The following ATP13A1 variants were observed in gnomAD, a reference collection of about 807,000 sequenced individuals.
ATP13A1 encodes endoplasmic reticulum transmembrane helix translocase.
ATP13A1 carries 55 observed loss-of-function variants against 134.8 expected under a neutral mutation model. The observed-to-expected ratio is 0.41, with a 90% CI of 0.33 to 0.51. The LOEUF is 0.51. Among genes scored for constraint, ATP13A1 ranks in the 20% least tolerant of loss-of-function variants. The pLI, the probability that ATP13A1 is intolerant of heterozygous loss-of-function variation, is 0.29. For missense variants in ATP13A1, 1,389 were observed against 1,652.8 expected (o/e 0.84, Z 2.77); for synonymous variants, 775 against 725.1 (o/e 1.07, Z -1.10).
In ATP13A1 at chr19:19,663,586, C is replaced by T. The variant is rs1234688684; in HGVS notation, c.81G>A (p.Lys27=). The stretch of plus-strand genomic sequence containing the variant: ...GGAGCGCGCGCGGCTGCGGCCCGGG[C>T]TTGGGCTGCCCGTCAGGCCGGACCC... ...PCGVRPDGQP[K]PGPQPRALLA... is the part of the protein sequence containing the mutation. The change falls in exon 1 of 26, where the codon AAG becomes AAA. Residue 27 remains lysine, a synonymous_variant. Transcript: ENST00000357324. The T allele has an allele frequency of 1.4e-6, 2 of 1,467,594 alleles. No individual in the cohort carries two copies. The highest frequency in any genetic ancestry group is 3.0e-5 in the African/African-American group (2 of 67,698). The allele number at this position is 1,467,594 out of a possible 1,614,324, so 90.9% of individuals were successfully genotyped here. A position where few individuals can be genotyped will look rare whatever the true frequency, so the allele number is the denominator to read the frequency against.
chr19:19,646,738 G>A (rs188879877), intron 22 of ATP13A1: 50 of 367,608 alleles, frequency 1.4e-4, no homozygotes, highest in African/African-American at 9.2e-4. Flanking sequence ...GTTCCTGGCC[G>A]CTGGCCCCCC....
Position 19,654,678 on chromosome 19 carries a change from C to T in ATP13A1, c.1678G>A (p.Val560Met), listed in dbSNP as rs775341233. 4.3e-6 allele frequency: 7 copies of T among 1,612,910 alleles called. No homozygotes were observed. In the East Asian group the frequency reaches 1.3e-4, roughly 31 times the overall value. The change falls in exon 13 of 26, where the codon GTG (valine) becomes ATG (methionine). Residue 560 changes from valine (V) to methionine (M), a missense_variant. Physicochemically the swap from Val to Met is conservative, Grantham distance 21 (BLOSUM62 1). Coordinates refer to ENST00000357324, the MANE Select transcript of ATP13A1 (RefSeq NM_020410.3). ...TGTGTTTCTACAGGGATGCTGGACA[C>T]TGGGGTCACCTCCTTCCCGTCTCTG... is the stretch of plus-strand genomic sequence containing the variant. ...GLRDGKEVTP[V>M]SSIPVETHRA...
At chr19:19,646,070 C>G (rs2061983442) in intron 23 of ATP13A1, 85 bp from the exon 24 acceptor site, 2 of 1,594,220 alleles carry the variant, frequency 1.3e-6, no homozygotes, top group South Asian at 2.2e-5. Flanking sequence ...TGGCACAGAG[C>G]TAGGGCTCTG....
chr19:19,650,344 T>C (rs1247226393), intron 17 of ATP13A1: 2 of 196,512 alleles, frequency 1.0e-5, no homozygotes, highest in East Asian at 1.3e-4. Context: ...TCTGAAATCC[T>C]GTTTTCTCGG....
chr19:19,656,079 T>C lies in ATP13A1; in HGVS notation c.1188A>G (p.Pro396=). The change falls in exon 8 of 26, where the codon CCA becomes CCG. Residue 396 remains proline (P), a synonymous_variant. Transcript: ENST00000357324. This position sits in a 1 kb window ranked among gnomAD's most constrained non-coding sequence, Gnocchi z 4.6. ...GGTKVVQHIP[P]QKATTGLKPV... is the part of the protein sequence containing the mutation. Reference sequence around the variant, plus strand: ...GCTTCAGGCCCGTGGTGGCTTTCTGTGGGGGGATGTGCTGCACCACCTTGG... The same window carrying C: ...GCTTCAGGCCCGTGGTGGCTTTCTGCGGGGGGATGTGCTGCACCACCTTGG... 6.2e-7 allele frequency: 1 copy of C among 1,613,530 alleles called. No homozygotes were observed. Among genetic ancestry groups the C allele is most frequent in the Non-Finnish European group, 8.5e-7 (1 of 1,179,740 alleles).
chr19:19,646,378 G>C (rs765538170), intron 22 of ATP13A1, 31 bp from the exon 23 acceptor site: 2 of 1,612,804 alleles, frequency 1.2e-6, no homozygotes, highest in Admixed American at 3.3e-5. Context: ...GGGGAGTCAG[G>C]ATCTGGCTCA....
intron 1 of ATP13A1, among the ~76,000 whole-genome samples, chr19:19,662,718 C>T (rs2062102162): frequency 6.6e-6 from 1 of 152,216 alleles, no homozygotes; most frequent in African/African-American, 2.4e-5. Context: ...ACACCTCTGC[C>T]TCTCTTCAAC....
chr19:19,645,411 G>C lies in ATP13A1; in HGVS notation c.*11C>G. ...CAGCCAGGGTGGGCAGTGGGTACCAGCACTGCCATCTCAGGAAGGCACTTT... is the reference window on the plus strand; with the variant it reads ...CAGCCAGGGTGGGCAGTGGGTACCACCACTGCCATCTCAGGAAGGCACTTT... On this transcript the variant is annotated 3_prime_UTR_variant, in exon 26 of 26. Transcript: ENST00000357324. The surrounding 1 kb of genome is among the most constrained non-coding windows in gnomAD (Gnocchi z 4.1). The C allele has an allele frequency of 1.3e-6, 2 of 1,586,978 alleles. No homozygotes were observed. The highest frequency in any genetic ancestry group is 1.8e-5 in the Admixed American group (1 of 55,510).
intron 19 of ATP13A1, among the ~76,000 whole-genome samples, chr19:19,648,275 C>A (rs1456394660): frequency 6.6e-6 from 1 of 151,942 alleles, no homozygotes; most frequent in Non-Finnish European, 1.5e-5. Flanking sequence ...GATGAGATCA[C>A]ACCACCGCAC....
In ATP13A1 at chr19:19,647,401, G is replaced by A. The variant is rs148748496; in HGVS notation, c.2908+13C>T. On this transcript the variant is annotated intron_variant, in intron 21 of 25. Transcript: ENST00000357324. The surrounding 1 kb of genome is among the most constrained non-coding windows in gnomAD (Gnocchi z 4.8). ...GGGAATGAAGGGAGGGGGAGCGGGG[G>A]CAGGCAACTCACTGCACTGGATGGA... is the stretch of plus-strand genomic sequence containing the variant. 2,152 of 1,609,820 alleles carry A rather than the reference G, an allele frequency of 1.3e-3. 4 individuals are homozygous for A. Among genetic ancestry groups the A allele is most frequent in the Non-Finnish European group, 1.7e-3 (1,957 of 1,177,630 alleles).
chr19:19,655,731 C>T lies in ATP13A1; in HGVS notation c.1270-77G>A. On this transcript the variant is annotated intron_variant, in intron 9 of 25. Transcript: ENST00000357324. This position sits in a 1 kb window ranked among gnomAD's most constrained non-coding sequence, Gnocchi z 5.7. Reference sequence around the variant, plus strand: ...TCAGGCCTGGAAGCGTGGGCCTGGTCTTGGGGTGGCCTCTGCACCCTGGCC... The same window carrying T: ...TCAGGCCTGGAAGCGTGGGCCTGGTTTTGGGGTGGCCTCTGCACCCTGGCC... 1 of 1,555,636 alleles carries T rather than the reference C, an allele frequency of 6.4e-7. No homozygotes were observed.
At chr19:19,646,648 C>T (rs1262628950) in intron 22 of ATP13A1, 11 of 466,806 alleles carry the variant, frequency 2.4e-5, no homozygotes, top group South Asian at 7.7e-5. Flanking sequence ...GGCACAGTCC[C>T]GCCCAGCCAA....
chr19:19,653,831 C>T lies in ATP13A1; in HGVS notation c.2053G>A (p.Val685Ile), dbSNP rs1310172840. Residue 685 changes from valine to isoleucine, a missense_variant, in exon 15 of 26, where the codon GTC (valine) becomes ATC (isoleucine). Coordinates refer to ENST00000357324, the MANE Select transcript of ATP13A1 (RefSeq NM_020410.3). The surrounding 1 kb of genome is among the most constrained non-coding windows in gnomAD (Gnocchi z 4.2). Reference protein sequence around the residue: ...HTEISREGARVLALGYKELGH... With the variant: ...HTEISREGARILALGYKELGH... ...AGCTCCTTGTACCCCAGCGCCAGGA[C>T]GCGGGCTCCTTCCCGGGAGATCTCG... 22 of 1,560,518 alleles carry T rather than the reference C, an allele frequency of 1.4e-5. No homozygotes were observed. The South Asian group carries it at 1.7e-4, about 12-fold the overall frequency.
Position 19,653,916 on chromosome 19 carries a change from G to T in ATP13A1, c.1990-22C>A. 6.4e-7 allele frequency: 1 copy of T among 1,567,692 alleles called. No homozygotes were observed. Among genetic ancestry groups the T allele is most frequent in the Non-Finnish European group, 8.6e-7 (1 of 1,156,910 alleles). ...AGAACTGCAGGGAATGCAGGGGGAT[G>T]TCACGGGCTGCCCCGCGCCCCCACC... is the stretch of plus-strand genomic sequence containing the variant. On this transcript the variant is annotated intron_variant, in intron 14 of 25. Transcript: ENST00000357324. The surrounding 1 kb of genome is among the most constrained non-coding windows in gnomAD (Gnocchi z 4.2).
Position 19,656,971 on chromosome 19 carries a change from C to A in ATP13A1, c.906+23G>T. 6.2e-7 allele frequency: 1 copy of A among 1,602,800 alleles called. No individual in the cohort carries two copies. Among genetic ancestry groups the A allele is most frequent in the Non-Finnish European group, 8.5e-7 (1 of 1,174,768 alleles). On this transcript the variant is annotated intron_variant, in intron 5 of 25. Transcript: ENST00000357324. This position sits in a 1 kb window ranked among gnomAD's most constrained non-coding sequence, Gnocchi z 4.6. ...GCCGCACCTGTGCTGCACCCCCAAC[C>A]TGGGTCTCCCTGGCAGCCACACCTG...
chr19:19,655,256 G>A lies in ATP13A1; in HGVS notation c.1535-17C>T, dbSNP rs960126673. 6.2e-7 allele frequency: 1 copy of A among 1,613,842 alleles called. No homozygotes were observed. Among genetic ancestry groups the A allele is most frequent in the Non-Finnish European group, 8.5e-7 (1 of 1,179,890 alleles). Reference sequence around the variant, plus strand: ...AGTACATGTCTAGGGGCGGGAGTGAGGTCAGGGGTCCTGCTTGGCCCCAGC... The same window carrying A: ...AGTACATGTCTAGGGGCGGGAGTGAAGTCAGGGGTCCTGCTTGGCCCCAGC... On this transcript the variant is annotated splice_polypyrimidine_tract_variant and intron_variant, in intron 11 of 25. Transcript: ENST00000357324. The surrounding 1 kb of genome is among the most constrained non-coding windows in gnomAD (Gnocchi z 5.7).
chr19:19,647,565 G>A lies in ATP13A1; in HGVS notation c.2793+34C>T. 2 of 1,612,840 alleles carry A rather than the reference G, an allele frequency of 1.2e-6. No individual in the cohort carries two copies. Among genetic ancestry groups the A allele is most frequent in the Non-Finnish European group, 1.7e-6 (2 of 1,179,316 alleles). Reference sequence around the variant, plus strand: ...ACAGCAGGCTGTCAGCCCTGGCCAGGATGGGGTGCAGCACCTCCCCTCTTG... The same window carrying A: ...ACAGCAGGCTGTCAGCCCTGGCCAGAATGGGGTGCAGCACCTCCCCTCTTG... On this transcript the variant is annotated intron_variant, in intron 20 of 25. Coordinates refer to ENST00000357324, the MANE Select transcript of ATP13A1 (RefSeq NM_020410.3). The surrounding 1 kb of genome is among the most constrained non-coding windows in gnomAD (Gnocchi z 4.8).
chr19:19,653,973 G>T lies in ATP13A1; in HGVS notation c.1985C>A (p.Ser662Tyr). ...CCCAGGCTGGGGCCAGCTCACCATG[G>T]AGTGCAGAGTTTCGGGGGCCCCCTT... The part of the protein sequence containing the change: ...AVKGAPETLH[S>Y]MFSQCPPDYH... The change falls in exon 14 of 26, where the codon TCC (serine) becomes TAC (tyrosine). Residue 662 changes from serine (S) to tyrosine (Y), a missense_variant. Transcript: ENST00000357324. The surrounding 1 kb of genome is among the most constrained non-coding windows in gnomAD (Gnocchi z 4.2). 1 of 1,594,106 alleles carries T rather than the reference G, an allele frequency of 6.3e-7. No homozygotes were observed.
At position 19,656,732 on chromosome 19, in the gene ATP13A1, G is replaced by A. The variant is rs374483901; in HGVS notation, c.1011C>T (p.Asp337=). The A allele has an allele frequency of 1.7e-5, 27 of 1,613,678 alleles. No individual in the cohort carries two copies. Among genetic ancestry groups the A allele is most frequent in the African/African-American group, 1.5e-4 (11 of 74,942 alleles). The change falls in exon 7 of 26, where the codon GAC becomes GAT. Residue 337 remains aspartate, a synonymous_variant. Coordinates refer to ENST00000357324, the MANE Select transcript of ATP13A1 (RefSeq NM_020410.3). The surrounding 1 kb of genome is among the most constrained non-coding windows in gnomAD (Gnocchi z 4.6). ...TGCAGCGGCCTCGCAGCAGAAGCAC[G>A]TCACATGGCACCAGGTTCTCCTGTG... The part of the protein sequence containing the change: ...RSPQENLVPC[D]VLLLRGRCIV...
Sources: allele counts gnomAD v4.1 joint callset (sites outside exome capture counted in the v4.1 genomes callset), GRCh38; gene constraint gnomAD v4.1.1; non-coding constraint Gnocchi (gnomAD v3.1); transcripts MANE v1.5; gene names NCBI Gene and HGNC (gene_info 2026-07-23, HGNC 2026-07-21).